Variants in DLG2 observed in about 807,000 individuals in gnomAD.
DLG2 encodes the protein discs large MAGUK scaffold protein 2, also known as disks large homolog 2.
A neutral mutation model predicts 132.5 loss-of-function variants in DLG2; 45 were observed. The ratio of observed to expected loss-of-function variants is 0.34; its 90% CI spans 0.27 to 0.44. The LOEUF (loss-of-function observed/expected upper bound fraction) is 0.44, where lower values mean the gene tolerates loss of function less well. DLG2 is among the 20% of genes least tolerant of loss of function. The probability of loss-of-function intolerance (pLI) is 1.00; values close to 1 mark genes in which losing one functional copy is unlikely to be tolerated. For missense variants in DLG2, 1,045 were observed against 1,196.9 expected (o/e 0.87, Z 1.87); for synonymous variants, 424 against 419.6 (o/e 1.01, Z -0.13).
intron 7 of DLG2, chr11:84,317,074 C>T (rs45482499): frequency 4.3e-6 from 7 of 1,612,786 alleles, no homozygotes; most frequent in African/African-American, 4.0e-5. Flanking sequence ...TCAGGGTGGG[C>T]GCACTCCTGA....
chr11:83,775,346 G>A (rs1243234526), intron 18 of DLG2, among the ~76,000 whole-genome samples: 6 of 152,138 alleles, frequency 3.9e-5, no homozygotes. Context: ...GATGGTGCAC[G>A]GGTTGTTCTG....
intron 6 of DLG2, among the ~76,000 whole-genome samples, chr11:85,042,391 G>A (rs938154789): frequency 6.6e-6 from 1 of 151,926 alleles, no homozygotes; most frequent in African/African-American, 2.4e-5. Context: ...TTGGTACTAG[G>A]CACTACACTA....
intron 7 of DLG2, among the ~76,000 whole-genome samples, chr11:84,377,299 A>T (rs778093108): frequency 3.6e-4 from 54 of 152,090 alleles, no homozygotes; most frequent in Non-Finnish European, 6.5e-4. Flanking sequence ...ATTAAATTTT[A>T]AAAAAAGGAA....
chr11:84,995,002 T>G lies in DLG2; in HGVS notation c.357+116659A>C, dbSNP rs1242144646. On this transcript the variant is annotated intron_variant, in intron 6 of 27. Coordinates refer to ENST00000376104, the MANE Select transcript of DLG2 (RefSeq NM_001142699.3). The stretch of plus-strand genomic sequence containing the variant: ...TGGAGACTTCTGAATGCAAGAAATC[T>G]CCTAGGAGACCCATGCTAAGAAATG... Among the ~76,000 whole-genome samples the G allele has an allele frequency of 2.6e-5, 4 of 152,140 alleles. No homozygotes were observed. The East Asian group carries it at 7.7e-4, about 29-fold the overall frequency.
chr11:84,055,825 G>C (rs761412734), intron 11 of DLG2, among the ~76,000 whole-genome samples: 1 of 151,968 alleles, frequency 6.6e-6, no homozygotes, highest in African/African-American at 2.4e-5. Flanking sequence ...TCATCTCCTT[G>C]AGAGCAAGAA....
chr11:83,918,166 C>A (rs766540211), intron 15 of DLG2, among the ~76,000 whole-genome samples: 1 of 152,088 alleles, frequency 6.6e-6, no homozygotes, highest in South Asian at 2.1e-4. Context: ...AGAGGTCTCA[C>A]TGTGGGCTAA....
At chr11:85,362,603 T>C (rs2084247709) in intron 3 of DLG2, among the ~76,000 whole-genome samples, 1 of 152,004 alleles carries the variant, frequency 6.6e-6, no homozygotes, top group South Asian at 2.1e-4. Context: ...GATGCCTTTT[T>C]TTTTATTTTT....
chr11:85,195,555 G>T (rs986968826), intron 4 of DLG2, among the ~76,000 whole-genome samples: 4 of 138,918 alleles, frequency 2.9e-5, no homozygotes, highest in African/African-American at 5.4e-5. Flanking sequence ...ACGGAGTCTC[G>T]CTCTGTGGCC....
intron 6 of DLG2, among the ~76,000 whole-genome samples, chr11:84,968,475 C>T (rs1004661344): frequency 5.9e-5 from 9 of 152,200 alleles, no homozygotes; most frequent in South Asian, 2.1e-4. Context: ...AAAGTCATTA[C>T]GTATCCCTTA....
chr11:85,021,013 C>G, intron 6 of DLG2: 2 of 774,096 alleles, frequency 2.6e-6, no homozygotes, highest in Non-Finnish European at 4.8e-6. Flanking sequence ...TTCATATCTA[C>G]TGCTTGTTTG....
intron 4 of DLG2, among the ~76,000 whole-genome samples, chr11:85,174,007 C>T (rs562864777): frequency 6.6e-6 from 1 of 152,094 alleles, no homozygotes; most frequent in South Asian, 2.1e-4. Context: ...CTTAGACTCT[C>T]AAAGAATAAT....
At chr11:84,887,340 C>A (rs1426105453) in intron 6 of DLG2, 3 of 148,960 alleles carry the variant, frequency 2.0e-5, no homozygotes, top group Non-Finnish European at 4.4e-5. Flanking sequence ...TACCAGATAG[C>A]TGATTTATGA....
chr11:84,951,686 G>T (rs934300674), intron 6 of DLG2, among the ~76,000 whole-genome samples: 2 of 146,030 alleles, frequency 1.4e-5, no homozygotes, highest in African/African-American at 5.1e-5. Flanking sequence ...ACATATATAT[G>T]CATTCTATAT....
intron 21 of DLG2, among the ~76,000 whole-genome samples, chr11:83,501,503 T>C (rs1164393342): frequency 6.6e-6 from 1 of 152,160 alleles, no homozygotes; most frequent in Non-Finnish European, 1.5e-5. Context: ...CATTCATATA[T>C]CTGGGCCTGT....
chr11:84,106,860 T>A, intron 9 of DLG2, among the ~76,000 whole-genome samples: 1 of 94,952 alleles, frequency 1.1e-5, no homozygotes. Context: ...AGTGTGTGTG[T>A]GTATGTGTGA....
chr11:84,316,676 T>C, intron 7 of DLG2: 1 of 843,384 alleles, frequency 1.2e-6, no homozygotes, highest in Non-Finnish European at 1.8e-6. Context: ...CACAAACATG[T>C]GTGAAAATGA....
intron 6 of DLG2, among the ~76,000 whole-genome samples, chr11:84,859,372 A>G (rs1453561305): frequency 6.8e-6 from 1 of 146,792 alleles, no homozygotes; most frequent in East Asian, 2.0e-4. Context: ...ATGTATATAT[A>G]CACATATATA....
intron 6 of DLG2, among the ~76,000 whole-genome samples, chr11:84,847,037 T>C (rs1189828506): frequency 6.6e-6 from 1 of 152,096 alleles, no homozygotes. Flanking sequence ...CAGAAGAATT[T>C]CTTGGCTGAG....
At chr11:85,061,017 G>A (rs149441776) in intron 6 of DLG2, among the ~76,000 whole-genome samples, 25 of 151,624 alleles carry the variant, frequency 1.6e-4, no homozygotes, top group African/African-American at 5.3e-4. Context: ...TCATATACCT[G>A]TTGGCCATTT....
Sources: allele counts gnomAD v4.1 joint callset (sites outside exome capture counted in the v4.1 genomes callset), GRCh38; gene constraint gnomAD v4.1.1; transcripts MANE v1.5; gene names NCBI Gene and HGNC (gene_info 2026-07-23, HGNC 2026-07-21).